Variants in PDXDC1 observed in about 807,000 individuals in gnomAD.
PDXDC1 encodes the protein pyridoxal-dependent decarboxylase domain-containing protein 1.
PDXDC1 carries 42 observed loss-of-function variants against 100.1 expected under a neutral mutation model. That is an observed-to-expected ratio of 0.42 (90% CI 0.33 to 0.54). The LOEUF is 0.54. Ranked by LOEUF, PDXDC1 falls within the 20% of genes least tolerant of loss-of-function variation. The pLI is 0.10. For missense variants in PDXDC1, 636 were observed against 979.2 expected (o/e 0.65, Z 4.68); for synonymous variants, 260 against 371.7 (o/e 0.70, Z 3.46).
chr16:15,004,733 A>T lies in PDXDC1; in HGVS notation c.389+400A>T, dbSNP rs1306431589. ...GTTCTTGACCTCCCATCCTCACCCTATGGATAAAAAAATTCATGGATGCTC... is the reference window on the plus strand; with the variant it reads ...GTTCTTGACCTCCCATCCTCACCCTTTGGATAAAAAAATTCATGGATGCTC... On this transcript the variant is annotated intron_variant, in intron 5 of 22. Transcript: ENST00000396410. Among the ~76,000 whole-genome samples the T allele has an allele frequency of 2.0e-5, 3 of 152,224 alleles. No homozygotes were observed. The East Asian group carries it at 5.8e-4, about 29-fold the overall frequency.
intron 16 of PDXDC1, among the ~76,000 whole-genome samples, chr16:15,046,421 GCCTGTGTCGTCGGCCTCCACCTAGCT>G (rs1340133993): frequency 6.6e-6 from 1 of 152,142 alleles, no homozygotes; most frequent in Non-Finnish European, 1.5e-5. Flanking sequence ...TTGACAGCAG[GCCTGTGTCGTCGGCCTCCACCTAGCT>G]CCTGTGTGCT....
At chr16:15,009,820 G>T in intron 8 of PDXDC1, 61 bp downstream of exon 8, 1 of 1,611,646 alleles carries the variant, frequency 6.2e-7, no homozygotes, top group East Asian at 2.2e-5. Flanking sequence ...TACGTCCTCA[G>T]CCTATAAAAG....
downstream of PDXDC1, chr16:15,041,501 C>T (rs1014635228): frequency 1.3e-5 from 10 of 778,450 alleles, no homozygotes; most frequent in South Asian, 2.8e-5. Flanking sequence ...CAGGAAGAGC[C>T]GGAACAGATG....
chr16:15,111,791 T>A (rs1436123968), intron 16 of PDXDC1, among the ~76,000 whole-genome samples: 3 of 144,516 alleles, frequency 2.1e-5, no homozygotes, highest in African/African-American at 7.5e-5. Context: ...GACATGAATA[T>A]ACTTCACACA....
In PDXDC1 at chr16:15,046,563, C is replaced by T. The variant is rs192135811; in HGVS notation, c.1399+16507C>T. On this transcript the variant is annotated intron_variant, in intron 16 of 16. Transcript: ENST00000535621. The stretch of plus-strand genomic sequence containing the variant: ...CTGTGGGGGCACCCAGGCTAGAGGC[C>T]GCTTCTTATCCAGCAATCCTTGGGG... Among the ~76,000 whole-genome samples the T allele has an allele frequency of 1.5e-3, 225 of 152,130 alleles. 1 individual carries two copies. Among genetic ancestry groups the T allele is most frequent in the African/African-American group, 4.6e-3 (192 of 41,502 alleles).
At chr16:15,093,148 G>A (rs2046205826) in intron 16 of PDXDC1, among the ~76,000 whole-genome samples, 1 of 152,080 alleles carries the variant, frequency 6.6e-6, no homozygotes, top group Non-Finnish European at 1.5e-5. Context: ...GGGATTACAG[G>A]CACCTGCCAC....
chr16:15,032,214 G>T (rs1422796764), intron 17 of PDXDC1: 1 of 355,618 alleles, frequency 2.8e-6, no homozygotes, highest in African/African-American at 2.0e-5. Flanking sequence ...GGCATATAGA[G>T]AATTGCAAAT....
chr16:15,142,658 T>C (rs1316754580), downstream of PDXDC1, among the ~76,000 whole-genome samples: 2 of 152,146 alleles, frequency 1.3e-5, no homozygotes, highest in South Asian at 4.1e-4. Flanking sequence ...CTTGCTCCCG[T>C]ACTTTTCCAC....
At chr16:14,982,964 G>A (rs1307062123) in intron 1 of PDXDC1, among the ~76,000 whole-genome samples, 5 of 152,284 alleles carry the variant, frequency 3.3e-5, no homozygotes, top group African/African-American at 1.2e-4. Context: ...ACAGCTGTCT[G>A]GAGCTTTACC....
At chr16:15,078,812 CTTTT>C (rs5816111) in intron 16 of PDXDC1, among the ~76,000 whole-genome samples, 4 of 117,628 alleles carry the variant, frequency 3.4e-5, no homozygotes, top group Admixed American at 9.1e-5. Context: ...GTATTTTTTT[CTTTT>C]TTTTTTTTTT....
At chr16:15,091,244 A>G in intron 16 of PDXDC1, 1 of 1,581,530 alleles carries the variant, frequency 6.3e-7, no homozygotes, top group Non-Finnish European at 8.6e-7. Context: ...ACAGAATGGG[A>G]CCCAAAGAGC....
rs1349354410 is a variant in PDXDC1, at chr16:15,036,925, A to G, written c.*650A>G. Reference sequence around the variant, plus strand: ...TTTCTCCCATTATATACCGTTTGTAAAGAGAAACTGTAAAGTCTCCTCCTG... The same window carrying G: ...TTTCTCCCATTATATACCGTTTGTAGAGAGAAACTGTAAAGTCTCCTCCTG... On this transcript the variant is annotated 3_prime_UTR_variant, in exon 23 of 23. Transcript: ENST00000396410. 1.3e-5 allele frequency: 2 copies of G among 152,798 alleles called. No individual in the cohort carries two copies. Among genetic ancestry groups the G allele is most frequent in the Admixed American group, 6.5e-5 (1 of 15,370 alleles). 9.5% of individuals were successfully genotyped at this position (152,798 alleles called of 1,614,324 possible).
At chr16:15,141,367 C>T (rs1375525522), downstream of PDXDC1, among the ~76,000 whole-genome samples, 2 of 152,248 alleles carry the variant, frequency 1.3e-5, no homozygotes, top group Non-Finnish European at 2.9e-5. Context: ...CAGGAAGCAG[C>T]CCCAGCCACG....
At chr16:15,074,932 A>AT in intron 16 of PDXDC1, 1 of 1,401,902 alleles carries the variant, frequency 7.1e-7, no homozygotes, top group Non-Finnish European at 9.7e-7. Context: ...GAAAACTGTC[A>AT]TAAGTGATTA....
the PDXDC1 span, among the ~76,000 whole-genome samples, chr16:15,147,964 C>G: frequency 8.2e-3 from 1,241 of 151,556 alleles, 26 homozygotes; most frequent in African/African-American, 0.028. Context: ...AGATTACAGG[C>G]GTGAACCACC....
chr16:15,073,057 T>C, intron 16 of PDXDC1: 1 of 1,612,020 alleles, frequency 6.2e-7, no homozygotes. Context: ...TATAGATCCT[T>C]TGTTTTGCCG....
In PDXDC1 at chr16:15,038,096, T is replaced by TATTTC. The variant is rs1488110414; in HGVS notation, c.*1822_*1826dup. On this transcript the variant is annotated 3_prime_UTR_variant, in exon 23 of 23. Transcript: ENST00000396410. Reference sequence around the variant, plus strand: ...TCATTTTTTTTGTAGAGTAGGGCTTTATTTCCAGAAAACAGTGTGTGAGCT... The same window carrying TATTTC: ...TCATTTTTTTTGTAGAGTAGGGCTTTATTTCATTTCCAGAAAACAGTGTGTGAGCT... 2 of 1,612,788 alleles carry TATTTC rather than the reference T, an allele frequency of 1.2e-6. No homozygotes were observed. Among genetic ancestry groups the TATTTC allele is most frequent in the South Asian group, 2.2e-5 (2 of 91,042 alleles).
intron 16 of PDXDC1, among the ~76,000 whole-genome samples, chr16:15,087,881 G>A (rs1175539413): frequency 3.3e-5 from 5 of 152,104 alleles, no homozygotes; most frequent in Admixed American, 2.0e-4. Flanking sequence ...TTGGGAGGCC[G>A]AGGTGGGTGG....
chr16:15,128,421 G>C (rs745341322), intron 16 of PDXDC1: 75 of 1,303,814 alleles, frequency 5.8e-5, no homozygotes, highest in Non-Finnish European at 7.6e-5. Flanking sequence ...TGGGAGGCTC[G>C]GTCTGCTGCC....
Sources: gnomAD v4.1 joint callset for allele counts (sites outside exome capture counted in the v4.1 genomes callset) on GRCh38, gnomAD v4.1.1 for gene constraint, MANE v1.5 for transcripts, NCBI Gene and HGNC (gene_info 2026-07-23, HGNC 2026-07-21) for gene names.